RSPO4: variants seen among roughly 807,000 people sequenced by gnomAD.
The protein encoded by RSPO4 is R-spondin-4.
In RSPO4, 23 loss-of-function variants were observed where a neutral mutation model predicts 24.8. The observed-to-expected ratio is 0.93, with a 90% confidence interval of 0.67 to 1.31. The LOEUF (loss-of-function observed/expected upper bound fraction) is 1.31, where lower values mean the gene tolerates loss of function less well. Ranked by LOEUF, RSPO4 falls within the 40% of genes most tolerant of loss-of-function variation. The pLI, the probability that RSPO4 is intolerant of heterozygous loss-of-function variation, is 0.00. For missense variants in RSPO4, 333 were observed against 316.5 expected (o/e 1.05, Z -0.39); for synonymous variants, 141 against 127.4 (o/e 1.11, Z -0.72).
chr20:965,545 T>C (rs73577402), intron 3 of RSPO4, among the ~76,000 whole-genome samples: 305 of 152,274 alleles, frequency 2.0e-3, no homozygotes, highest in African/African-American at 7.0e-3. Context: ...CCCTCTGCTG[T>C]TGAGTGGAGA....
At chr20:983,814 C>G (rs562021144) in intron 1 of RSPO4, among the ~76,000 whole-genome samples, 1 of 152,116 alleles carries the variant, frequency 6.6e-6, no homozygotes, top group Non-Finnish European at 1.5e-5. Context: ...CAGACTGCCT[C>G]AACAATCCTG....
chr20:981,029 A>C lies in RSPO4; in HGVS notation c.80-12891T>G, dbSNP rs1984718444. Reference sequence around the variant, plus strand: ...AGGTGCTGGCCCGAGAACTCACTTTAAGAAGCGAGGCGGGAGATGCTGTTA... The same window carrying C: ...AGGTGCTGGCCCGAGAACTCACTTTCAGAAGCGAGGCGGGAGATGCTGTTA... On this transcript the variant is annotated intron_variant, in intron 1 of 4. Transcript: ENST00000217260. The surrounding 1 kb of genome is among the most constrained non-coding windows in gnomAD (Gnocchi z 4.6). 6.6e-6 allele frequency among the ~76,000 whole-genome samples: 1 copy of C among 152,226 alleles called. No individual in the cohort carries two copies. The highest frequency in any genetic ancestry group is 1.5e-5 in the Non-Finnish European group (1 of 68,040).
intron 1 of RSPO4, among the ~76,000 whole-genome samples, chr20:1,000,250 T>C (rs544804442): frequency 8.6e-4 from 131 of 152,264 alleles, no homozygotes; most frequent in African/African-American, 3.0e-3. Context: ...CTTCTCAGCA[T>C]TATGTCAGGC....
intron 1 of RSPO4, among the ~76,000 whole-genome samples, chr20:996,521 A>G (rs6056491): frequency 0.26 from 38,832 of 152,138 alleles, 10,210 homozygotes; most frequent in African/African-American, 0.67. Flanking sequence ...GGTCTTGTCC[A>G]TGATGTTCTC....
At chr20:983,265 A>C (rs1984799725) in intron 1 of RSPO4, among the ~76,000 whole-genome samples, 1 of 151,836 alleles carries the variant, frequency 6.6e-6, no homozygotes, top group African/African-American at 2.4e-5. Flanking sequence ...TGGAGCTTCC[A>C]AGGGGTGGCA....
intron 1 of RSPO4, among the ~76,000 whole-genome samples, chr20:995,900 C>A (rs931125270): frequency 6.6e-6 from 1 of 152,218 alleles, no homozygotes; most frequent in Non-Finnish European, 1.5e-5. Flanking sequence ...TGCACACACT[C>A]ACATACATCC....
chr20:963,153 T>C (rs1984059859), intron 4 of RSPO4, among the ~76,000 whole-genome samples: 1 of 152,158 alleles, frequency 6.6e-6, no homozygotes, highest in Non-Finnish European at 1.5e-5. Flanking sequence ...TCCTGTGGCA[T>C]TCAGTGGACG....
chr20:967,902 G>A (rs1384663394), intron 2 of RSPO4, 48 bp downstream of exon 2: 5 of 1,549,480 alleles, frequency 3.2e-6, no homozygotes, highest in Non-Finnish European at 4.5e-6. Flanking sequence ...TAAGCCCATG[G>A]TGTCTAGGAG....
chr20:991,150 G>A (rs138271998), intron 1 of RSPO4, among the ~76,000 whole-genome samples: 2,857 of 152,236 alleles, frequency 0.019, 49 homozygotes, highest in Middle Eastern at 0.11. Flanking sequence ...CACATTGCCC[G>A]GGCTGGCCTC....
At chr20:986,320 A>G (rs1277816372) in intron 1 of RSPO4, among the ~76,000 whole-genome samples, 4 of 152,144 alleles carry the variant, frequency 2.6e-5, no homozygotes, top group African/African-American at 9.7e-5. Flanking sequence ...GGAATTGTGG[A>G]GGCCACAGCA....
intron 1 of RSPO4, among the ~76,000 whole-genome samples, chr20:978,890 AG>A (rs1984651176): frequency 6.6e-6 from 1 of 151,996 alleles, no homozygotes; most frequent in Admixed American, 6.6e-5. Flanking sequence ...ATCCCCGCTA[AG>A]GTGCCAATAC....
At position 989,229 on chromosome 20, in the gene RSPO4, T is replaced by G. The variant is rs183524023; in HGVS notation, c.79+12857A>C. On this transcript the variant is annotated intron_variant, in intron 1 of 4. Coordinates refer to ENST00000217260, the MANE Select transcript of RSPO4 (RefSeq NM_001029871.4). ...AGACTAACTGCCCAGCCCCTGGAAG[T>G]AGAGAGATGGGAGGCAGCACCAGGC... Among the ~76,000 whole-genome samples the G allele has an allele frequency of 4.3e-3, 651 of 152,102 alleles. 5 individuals are homozygous for G. Among genetic ancestry groups the G allele is most frequent in the Middle Eastern group, 0.031 (9 of 294 alleles).
Position 967,162 on chromosome 20 carries a change from G to A in RSPO4, c.409+12C>T, listed in dbSNP as rs756622169. The A allele has an allele frequency of 1.2e-6, 2 of 1,612,258 alleles. No homozygotes were observed. The highest frequency in any genetic ancestry group is 1.7e-6 in the Non-Finnish European group (2 of 1,179,426). On this transcript the variant is annotated intron_variant, in intron 3 of 4. Coordinates refer to ENST00000217260, the MANE Select transcript of RSPO4 (RefSeq NM_001029871.4). ...GGAGGGGCAGGGGCAGGGCGGGGAG[G>A]TCCCCACTCACCCTGGCACTCCCGT...
chr20:964,128 G>C lies in RSPO4; in HGVS notation c.410-8C>G, dbSNP rs750873083. 6.2e-7 allele frequency: 1 copy of C among 1,605,202 alleles called. No homozygotes were observed. Among genetic ancestry groups the C allele is most frequent in the Non-Finnish European group, 8.5e-7 (1 of 1,174,414 alleles). On this transcript the variant is annotated splice_region_variant and splice_polypyrimidine_tract_variant and intron_variant, in intron 3 of 4. Coordinates refer to ENST00000217260, the MANE Select transcript of RSPO4 (RefSeq NM_001029871.4). The stretch of plus-strand genomic sequence containing the variant: ...GACCCAGTTCACACTCCCCTGTGGG[G>C]TGAAAGGAGAGACAGACAGACAGAC...
chr20:994,252 T>C (rs1009947865), intron 1 of RSPO4, among the ~76,000 whole-genome samples: 1 of 152,208 alleles, frequency 6.6e-6, no homozygotes, highest in Non-Finnish European at 1.5e-5. Flanking sequence ...TTGGGGAACA[T>C]ACATGTGTGT....
chr20:990,586 C>G (rs1466002717), intron 1 of RSPO4, among the ~76,000 whole-genome samples: 1 of 151,326 alleles, frequency 6.6e-6, no homozygotes, highest in Non-Finnish European at 1.5e-5. Flanking sequence ...TTCCCTCTCT[C>G]TCTTCCTGGG....
At chr20:995,879 G>A (rs1465272209) in intron 1 of RSPO4, among the ~76,000 whole-genome samples, 1 of 152,088 alleles carries the variant, frequency 6.6e-6, no homozygotes, top group Non-Finnish European at 1.5e-5. Flanking sequence ...TAGTACACAC[G>A]TGCACATGCA....
At chr20:997,781 G>T (rs1029101625) in intron 1 of RSPO4, among the ~76,000 whole-genome samples, 1 of 152,218 alleles carries the variant, frequency 6.6e-6, no homozygotes, top group Non-Finnish European at 1.5e-5. Flanking sequence ...GGCCTCTGGA[G>T]TGGGCACTGC....
chr20:981,769 C>A lies in RSPO4; in HGVS notation c.80-13631G>T, dbSNP rs1481965333. ...CCCCTGTCTAAAGGATCTGCCTGTC[C>A]CCACATTAAAGCATAGAGAAGGCCT... On this transcript the variant is annotated intron_variant, in intron 1 of 4. Transcript: ENST00000217260. This position sits in a 1 kb window ranked among gnomAD's most constrained non-coding sequence, Gnocchi z 4.6. Among the ~76,000 whole-genome samples, 1 of 152,076 alleles carries A rather than the reference C, an allele frequency of 6.6e-6. No homozygotes were observed. The highest frequency in any genetic ancestry group is 2.4e-5 in the African/African-American group (1 of 41,420).
Sources: gnomAD v4.1 joint callset for allele counts (sites outside exome capture counted in the v4.1 genomes callset) on GRCh38, gnomAD v4.1.1 for gene constraint, Gnocchi (gnomAD v3.1) non-coding constraint, MANE v1.5 for transcripts, NCBI Gene and HGNC (gene_info 2026-07-23, HGNC 2026-07-21) for gene names.